Variants in ANKRD24 observed in about 807,000 individuals in gnomAD.
ANKRD24 encodes ankyrin repeat domain-containing protein 24.
ANKRD24 carries 109 observed loss-of-function variants against 127.8 expected under a neutral mutation model. The ratio of observed to expected loss-of-function variants is 0.85; its 90% CI spans 0.73 to 1.00. The LOEUF is 1.00. ANKRD24 is among the 50% of genes least tolerant of loss of function. The probability of loss-of-function intolerance (pLI) is 0.00; values close to 1 mark genes in which losing one functional copy is unlikely to be tolerated. For synonymous variants in ANKRD24, 743 were observed against 671.1 expected (o/e 1.11, Z -1.66); for missense variants, 1,648 against 1,570.2 (o/e 1.05, Z -0.84).
intron 15 of ANKRD24, 46 bp from the exon 16 acceptor site, chr19:4,215,932 G>A (rs1353094599): frequency 4.7e-6 from 7 of 1,494,002 alleles, no homozygotes; most frequent in Non-Finnish European, 6.4e-6. Context: ...GGACACACGG[G>A]GGCTGAGAGC....
rs1004725270 is a variant in ANKRD24 at position 4,217,314 on chromosome 19, G to A, written c.2154G>A (p.Ser718=). ...TACATCCTGGTGCCGCAGAGGCCTC[G>A]GAAAAGCTTCAAGTAGAGCTGGAGA... ...PILHPGAAEA[S]EKLQVELETR... The change falls in exon 18 of 22, where the codon TCG becomes TCA. Residue 718 remains serine (S), a synonymous_variant. Coordinates refer to ENST00000318934, the MANE Select transcript of ANKRD24 (RefSeq NM_001393985.1). 9.0e-6 allele frequency: 14 copies of A among 1,552,462 alleles called. No homozygotes were observed. Among genetic ancestry groups the A allele is most frequent in the African/African-American group, 1.4e-5 (1 of 73,180 alleles).
rs1219953541 is a variant in ANKRD24 at position 4,224,671 on chromosome 19, C to T, written c.*166C>T. The T allele has an allele frequency of 4.5e-6, 3 of 672,264 alleles. No homozygotes were observed. Among genetic ancestry groups the T allele is most frequent in the African/African-American group, 3.6e-5 (2 of 56,214 alleles). The allele number at this position is 672,264 out of a possible 1,614,324, so 41.6% of individuals were successfully genotyped here. On this transcript the variant is annotated 3_prime_UTR_variant, in exon 22 of 22. Coordinates refer to ENST00000318934, the MANE Select transcript of ANKRD24 (RefSeq NM_001393985.1). ...CCCGACCACCCCCAGCTGGCTCCAT[C>T]ACCCCACCTGGTCTCTGCACGCACA...
intron 2 of ANKRD24, among the ~76,000 whole-genome samples, chr19:4,191,526 G>C (rs1968385084): frequency 6.6e-6 from 1 of 152,004 alleles, no homozygotes; most frequent in Non-Finnish European, 1.5e-5. Context: ...TGTGTTGCCA[G>C]GCTGGAGTGC....
chr19:4,215,875 G>A, intron 15 of ANKRD24, 103 bp from the exon 16 acceptor site: 1 of 840,116 alleles, frequency 1.2e-6, no homozygotes, highest in Non-Finnish European at 1.9e-6. Context: ...GCTCGTGGGA[G>A]ACATACAGGT....
chr19:4,208,700 G>A (rs1969530197), intron 10 of ANKRD24, 64 bp from the exon 11 acceptor site: 3 of 1,531,798 alleles, frequency 2.0e-6, no homozygotes, highest in Non-Finnish European at 2.7e-6. Flanking sequence ...AGTCCCTGGG[G>A]CCCACCAATG....
chr19:4,189,995 C>G (rs529478900), intron 2 of ANKRD24, among the ~76,000 whole-genome samples: 5 of 152,216 alleles, frequency 3.3e-5, no homozygotes, highest in East Asian at 1.9e-4. Context: ...AGGTGAAAAA[C>G]GGTCCATTAA....
chr19:4,222,961 T>C (rs1970522630), intron 20 of ANKRD24, among the ~76,000 whole-genome samples, 166 bp downstream of exon 20: 1 of 152,188 alleles, frequency 6.6e-6, no homozygotes, highest in Non-Finnish European at 1.5e-5. Flanking sequence ...CTTTATTTTT[T>C]TTGAGACAGG....
intron 15 of ANKRD24, 150 bp downstream of exon 15, chr19:4,212,848 C>A: frequency 1.3e-6 from 1 of 779,708 alleles, no homozygotes; most frequent in Non-Finnish European, 2.0e-6. Flanking sequence ...AACCCACAGT[C>A]TTGGCTGGGT....
chr19:4,212,658 G>C lies in ANKRD24; in HGVS notation c.1157G>C (p.Arg386Pro). 1 of 1,551,254 alleles carries C rather than the reference G, an allele frequency of 6.4e-7. No individual in the cohort carries two copies. The highest frequency in any genetic ancestry group is 1.2e-5 in the South Asian group (1 of 84,018). Residue 386 changes from arginine to proline, a missense_variant, in exon 15 of 22, where the codon CGG (arginine) becomes CCG (proline). Arg to Pro is a moderately radical substitution (Grantham distance 103). Coordinates refer to ENST00000318934, the MANE Select transcript of ANKRD24 (RefSeq NM_001393985.1). ...ERQEEKESLG[R>P]EVESLQSRLS... ...CAAGAGGAGAAGGAGAGCCTGGGAC[G>C]GGAGGTGGAGAGTTTGCAGAGCCGG...
In ANKRD24 at chr19:4,202,007, ATCT is replaced by A. The variant is rs771711332; in HGVS notation, c.344-14_344-12del. Reference sequence around the variant, plus strand: ...ACTTGAATAGCTGGAGCTCCAGTAAATCTTCTTTCCTTCCCCAGGTTACAATGC... The same window carrying A: ...ACTTGAATAGCTGGAGCTCCAGTAAATCTTTCCTTCCCCAGGTTACAATGC... On this transcript the variant is annotated splice_polypyrimidine_tract_variant and intron_variant, in intron 5 of 21. Coordinates refer to ENST00000318934, the MANE Select transcript of ANKRD24 (RefSeq NM_001393985.1). 2.9e-5 allele frequency: 46 copies of A among 1,613,096 alleles called. No individual in the cohort carries two copies. Among genetic ancestry groups the A allele is most frequent in the Admixed American group, 1.3e-4 (8 of 59,960 alleles).
At chr19:4,184,164 G>A (rs1190935295) in intron 1 of ANKRD24, among the ~76,000 whole-genome samples, 1 of 152,178 alleles carries the variant, frequency 6.6e-6, no homozygotes, top group Admixed American at 6.5e-5. Context: ...CTCATCCCCG[G>A]CCCCCTGGGG....
intron 2 of ANKRD24, among the ~76,000 whole-genome samples, chr19:4,193,868 G>GATGGAAGGAAGGAAGGAAGGAAGT (rs1670456847): frequency 6.9e-6 from 1 of 144,248 alleles, no homozygotes; most frequent in Non-Finnish European, 1.5e-5. Context: ...AGGAAGGAAG[G>GATGGAAGGAAGGAAGGAAGGAAGT]AAGGAAGGAA....
chr19:4,207,978 C>A lies in ANKRD24; in HGVS notation c.832+10C>A. On this transcript the variant is annotated intron_variant, in intron 10 of 21. Coordinates refer to ENST00000318934, the MANE Select transcript of ANKRD24 (RefSeq NM_001393985.1). Reference sequence around the variant, plus strand: ...CCCTCCCCACCCAGCGGTATGCAAGCCCCACCTCCCCAATGCATTTGCTTC... The same window carrying A: ...CCCTCCCCACCCAGCGGTATGCAAGACCCACCTCCCCAATGCATTTGCTTC... The A allele has an allele frequency of 1.4e-6, 2 of 1,468,888 alleles. No homozygotes were observed. Among genetic ancestry groups the A allele is most frequent in the Middle Eastern group, 1.8e-4 (1 of 5,560 alleles). 91.0% of individuals were successfully genotyped at this position (1,468,888 alleles called of 1,614,324 possible).
At position 4,217,658 on chromosome 19, in the gene ANKRD24, G is replaced by A; in HGVS notation, c.2498G>A (p.Arg833Gln). The change falls in exon 18 of 22, where the codon CGG becomes CAG. Residue 833 changes from arginine (R) to glutamine (Q), a missense_variant. Physicochemically the swap from Arg to Gln is conservative, Grantham distance 43 (BLOSUM62 1). Coordinates refer to ENST00000318934, the MANE Select transcript of ANKRD24 (RefSeq NM_001393985.1). ...LLAEEEARGL[R>Q]AELAQREEAR... ...GCGGAGGAGGAGGCGCGGGGCCTGCGGGCCGAGCTGGCCCAGCGGGAGGAG... is the reference window on the plus strand; with the variant it reads ...GCGGAGGAGGAGGCGCGGGGCCTGCAGGCCGAGCTGGCCCAGCGGGAGGAG... 1 of 1,283,746 alleles carries A rather than the reference G, an allele frequency of 7.8e-7. No homozygotes were observed. The highest frequency in any genetic ancestry group is 9.8e-7 in the Non-Finnish European group (1 of 1,018,888). The allele number at this position is 1,283,746 out of a possible 1,614,324, so 79.5% of individuals were successfully genotyped here.
At chr19:4,213,930 C>G (rs1002057869) in intron 15 of ANKRD24, among the ~76,000 whole-genome samples, 1 of 152,146 alleles carries the variant, frequency 6.6e-6, no homozygotes, top group African/African-American at 2.4e-5. Context: ...CCACCACACT[C>G]AGACCCAGAA....
chr19:4,205,724 T>G (rs1969342705), intron 7 of ANKRD24, among the ~76,000 whole-genome samples: 1 of 152,086 alleles, frequency 6.6e-6, no homozygotes, highest in South Asian at 2.1e-4. Flanking sequence ...GGCTCATGCC[T>G]ATAATCCCAG....
At chr19:4,186,100 C>T (rs777800950) in intron 1 of ANKRD24, among the ~76,000 whole-genome samples, 9 of 152,284 alleles carry the variant, frequency 5.9e-5, no homozygotes, top group South Asian at 2.1e-4. Context: ...TATGAAGCCC[C>T]TCATGTTTGG....
chr19:4,202,101 G>C lies in ANKRD24; in HGVS notation c.408+11G>C, dbSNP rs768653417. 33 of 1,613,256 alleles carry C rather than the reference G, an allele frequency of 2.0e-5. No homozygotes were observed. Among genetic ancestry groups the C allele is most frequent in the Non-Finnish European group, 2.7e-5 (32 of 1,179,352 alleles). On this transcript the variant is annotated intron_variant, in intron 6 of 21. Coordinates refer to ENST00000318934, the MANE Select transcript of ANKRD24 (RefSeq NM_001393985.1). Reference sequence around the variant, plus strand: ...AAGCAACTACTGCAGGTCATTTACTGTCTTATCTCAGCTACTCCCTTGGCC... The same window carrying C: ...AAGCAACTACTGCAGGTCATTTACTCTCTTATCTCAGCTACTCCCTTGGCC...
Position 4,187,888 on chromosome 19 carries a change from G to A in ANKRD24, c.36+1427G>A, listed in dbSNP as rs574822279. On this transcript the variant is annotated intron_variant, in intron 2 of 21. Transcript: ENST00000318934. Reference sequence around the variant, plus strand: ...AAGTGAAGGCAGGCACGTGAGGAGCGGGGCACGGACCTGTGTGGGTAAAGA... The same window carrying A: ...AAGTGAAGGCAGGCACGTGAGGAGCAGGGCACGGACCTGTGTGGGTAAAGA... Among the ~76,000 whole-genome samples, 8 of 152,256 alleles carry A rather than the reference G, an allele frequency of 5.3e-5. No individual in the cohort carries two copies. In the South Asian group the frequency reaches 8.3e-4, roughly 16 times the overall value.
Sources: gnomAD v4.1 joint callset for allele counts (sites outside exome capture counted in the v4.1 genomes callset) on GRCh38, gnomAD v4.1.1 for gene constraint, MANE v1.5 for transcripts, NCBI Gene and HGNC (gene_info 2026-07-23, HGNC 2026-07-21) for gene names.